PTPRD: variants seen among roughly 807,000 people sequenced by gnomAD.
PTPRD encodes receptor-type tyrosine-protein phosphatase delta.
PTPRD carries 34 observed loss-of-function variants against 214.5 expected under a neutral mutation model. The observed-to-expected ratio is 0.16, with a 90% confidence interval of 0.12 to 0.21. The LOEUF is 0.21. Ranked by LOEUF, PTPRD falls within the 10% of genes least tolerant of loss-of-function variation. The pLI is 1.00. For missense variants in PTPRD, 2,545 were observed against 2,398.7 expected (o/e 1.06, Z -1.27); for synonymous variants, 1,128 against 845.7 (o/e 1.33, Z -5.79).
intron 5 of PTPRD, among the ~76,000 whole-genome samples, chr9:9,782,586 C>T (rs147556163): frequency 4.5e-4 from 69 of 152,300 alleles, no homozygotes; most frequent in South Asian, 8.3e-4. Flanking sequence ...ACTTTGAACT[C>T]CCTGCCCAGT....
intron 11 of PTPRD, among the ~76,000 whole-genome samples, chr9:8,814,380 G>T (rs1340580737): frequency 6.6e-6 from 1 of 152,110 alleles, no homozygotes; most frequent in Non-Finnish European, 1.5e-5. Flanking sequence ...TTTAAGTGAA[G>T]GAAACAGAGG....
At chr9:9,246,419 C>T (rs992037360) in intron 9 of PTPRD, among the ~76,000 whole-genome samples, 12 of 151,998 alleles carry the variant, frequency 7.9e-5, no homozygotes, top group African/African-American at 2.9e-4. Flanking sequence ...GTGCCTATTC[C>T]TGTATGGGCT....
At chr9:9,904,620 CAA>C (rs1289734993) in intron 5 of PTPRD, among the ~76,000 whole-genome samples, 1 of 151,570 alleles carries the variant, frequency 6.6e-6, no homozygotes, top group East Asian at 1.9e-4. Context: ...TATCCTGTCT[CAA>C]AAGGATTAAA....
intron 4 of PTPRD, among the ~76,000 whole-genome samples, chr9:10,007,716 A>G (rs2096514928): frequency 6.6e-6 from 1 of 152,032 alleles, no homozygotes; most frequent in Non-Finnish European, 1.5e-5. Context: ...TTTGGCTAAA[A>G]TGTTAAATAA....
At chr9:9,374,701 G>C (rs2060337492) in intron 9 of PTPRD, among the ~76,000 whole-genome samples, 11 of 152,164 alleles carry the variant, frequency 7.2e-5, no homozygotes, top group Admixed American at 7.2e-4. Flanking sequence ...GTATTGCCAA[G>C]TTTACCTAAG....
At chr9:9,270,142 T>C (rs1942225463) in intron 9 of PTPRD, among the ~76,000 whole-genome samples, 1 of 151,170 alleles carries the variant, frequency 6.6e-6, no homozygotes, top group Admixed American at 6.6e-5. Flanking sequence ...AGCTTAATTG[T>C]GGTCATCATT....
intron 8 of PTPRD, among the ~76,000 whole-genome samples, chr9:9,417,173 A>G (rs2077235476): frequency 6.6e-6 from 1 of 152,162 alleles, no homozygotes; most frequent in Admixed American, 6.6e-5. Context: ...AATTGGTGCT[A>G]CAGAAGCAGA....
chr9:10,180,814 C>G (rs1376431905), intron 3 of PTPRD, among the ~76,000 whole-genome samples: 1 of 151,748 alleles, frequency 6.6e-6, no homozygotes, highest in Non-Finnish European at 1.5e-5. Flanking sequence ...GGATAGAAAT[C>G]ACATGATCAT....
intron 2 of PTPRD, among the ~76,000 whole-genome samples, chr9:10,526,536 T>C (rs1330073297): frequency 6.6e-6 from 1 of 152,104 alleles, no homozygotes; most frequent in Non-Finnish European, 1.5e-5. Flanking sequence ...ATTTTGAAGG[T>C]AGTTATACAA....
chr9:8,582,840 G>A lies in PTPRD; in HGVS notation c.352+50477C>T, dbSNP rs527906164. 1.5e-4 allele frequency among the ~76,000 whole-genome samples: 23 copies of A among 152,256 alleles called. No homozygotes were observed. In the South Asian group the frequency reaches 2.3e-3, roughly 15 times the overall value. On this transcript the variant is annotated intron_variant, in intron 14 of 45. Transcript: ENST00000381196. The stretch of plus-strand genomic sequence containing the variant: ...AATGGTGATATGTGGCAAAGTTGGT[G>A]GGCTTTGTTTTGTTTTTTGCTATTT...
intron 26 of PTPRD, 21 bp downstream of exon 26, chr9:8,497,221 A>T: frequency 1.3e-6 from 2 of 1,582,486 alleles, no homozygotes; most frequent in Non-Finnish European, 1.7e-6. Flanking sequence ...GCTTTTGACA[A>T]AACAGTCAAA....
chr9:9,135,862 C>T (rs910869928), intron 10 of PTPRD, among the ~76,000 whole-genome samples: 8 of 145,364 alleles, frequency 5.5e-5, no homozygotes, highest in African/African-American at 2.0e-4. Flanking sequence ...TTTCTGTCAT[C>T]CCTCTTGTTC....
intron 14 of PTPRD, among the ~76,000 whole-genome samples, chr9:8,621,593 T>C: frequency 6.6e-6 from 1 of 151,888 alleles, no homozygotes; most frequent in East Asian, 2.0e-4. Context: ...GAATTCTTCC[T>C]CCCAGATGAT....
At chr9:9,087,229 CCA>C (rs1464085381) in intron 10 of PTPRD, among the ~76,000 whole-genome samples, 15 of 152,178 alleles carry the variant, frequency 9.9e-5, no homozygotes, top group African/African-American at 3.6e-4. Context: ...ACAGATTTCC[CCA>C]GTTACCAAAG....
At chr9:9,634,710 T>C (rs760796830) in intron 7 of PTPRD, among the ~76,000 whole-genome samples, 9 of 152,142 alleles carry the variant, frequency 5.9e-5, no homozygotes, top group Non-Finnish European at 1.3e-4. Context: ...TCAAAAATCA[T>C]GATATCTTAT....
Position 9,226,514 on chromosome 9 carries a change from A to G in PTPRD, c.-202-43151T>C, listed in dbSNP as rs970047263. ...TGAAGGGTATGGGCAGAAGGTGACA[A>G]GTGGAGGGAGAGGGGTAATTGAATA... On this transcript the variant is annotated intron_variant, in intron 9 of 45. Coordinates refer to ENST00000381196, the MANE Select transcript of PTPRD (RefSeq NM_002839.4). 9.2e-5 allele frequency among the ~76,000 whole-genome samples: 14 copies of G among 152,054 alleles called. No homozygotes were observed. In the East Asian group the frequency reaches 2.7e-3, roughly 30 times the overall value.
intron 12 of PTPRD, among the ~76,000 whole-genome samples, chr9:8,726,529 C>T (rs1179216805): frequency 2.3e-5 from 3 of 127,958 alleles, no homozygotes; most frequent in Non-Finnish European, 4.9e-5. Context: ...GTCAGGAGTT[C>T]GAGACCAGCC....
intron 10 of PTPRD, among the ~76,000 whole-genome samples, chr9:9,164,890 A>AAAACAAACC (rs2099899122): frequency 7.5e-6 from 1 of 132,968 alleles, no homozygotes; most frequent in African/African-American, 2.8e-5. Flanking sequence ...CAAAACAAAC[A>AAAACAAACC]AACCAACCAG....
chr9:8,597,284 T>C (rs988071434), intron 14 of PTPRD, among the ~76,000 whole-genome samples: 1 of 152,074 alleles, frequency 6.6e-6, no homozygotes, highest in Non-Finnish European at 1.5e-5. Context: ...AGACAAAATA[T>C]CAAGACAAGA....
Sources: allele counts gnomAD v4.1 joint callset (sites outside exome capture counted in the v4.1 genomes callset), GRCh38; gene constraint gnomAD v4.1.1; transcripts MANE v1.5; gene names NCBI Gene and HGNC (gene_info 2026-07-23, HGNC 2026-07-21).